ANKH: variants seen among roughly 807,000 people sequenced by gnomAD.
ANKH encodes ANKH inorganic pyrophosphate transport regulator, also known as mineralization regulator ANKH.
In ANKH, 15 loss-of-function variants were observed where a neutral mutation model predicts 49.0. The ratio of observed to expected loss-of-function variants is 0.31; its 90% CI spans 0.20 to 0.47. The LOEUF (loss-of-function observed/expected upper bound fraction) is 0.47, where lower values mean the gene tolerates loss of function less well. Ranked by LOEUF, ANKH falls within the 20% of genes least tolerant of loss-of-function variation. The probability of loss-of-function intolerance (pLI) is 1.00; values close to 1 mark genes in which losing one functional copy is unlikely to be tolerated. For missense variants in ANKH, 429 were observed against 652.0 expected, an observed-to-expected ratio of 0.66 and a Z score of 3.72; for synonymous variants, 273 against 260.0, an observed-to-expected ratio of 1.05 and a Z score of -0.48.
intron 1 of ANKH, among the ~76,000 whole-genome samples, chr5:14,860,344 G>A (rs921156729): frequency 3.3e-5 from 5 of 152,154 alleles, no homozygotes; most frequent in Non-Finnish European, 5.9e-5. Flanking sequence ...CTAGAATCAC[G>A]AAGAGCTGAA....
At chr5:14,851,564 T>C (rs1742123326) in intron 1 of ANKH, among the ~76,000 whole-genome samples, 1 of 152,226 alleles carries the variant, frequency 6.6e-6, no homozygotes, top group African/African-American at 2.4e-5. Flanking sequence ...AAAGGCAATG[T>C]TCATTTTGTT....
At chr5:14,779,435 G>A (rs576736242) in intron 1 of ANKH, among the ~76,000 whole-genome samples, 32 of 152,200 alleles carry the variant, frequency 2.1e-4, no homozygotes, top group Admixed American at 5.2e-4. Flanking sequence ...GTGCAGATCC[G>A]AGACTCTGTT....
intron 1 of ANKH, among the ~76,000 whole-genome samples, chr5:14,806,185 G>A (rs78489917): frequency 0.012 from 1,752 of 152,234 alleles, 34 homozygotes; most frequent in African/African-American, 0.04. Flanking sequence ...TTCAATAGCT[G>A]TTGAATAAAG....
In ANKH at chr5:14,845,843, C is replaced by CTTTT. The variant is rs59264153; in HGVS notation, c.96+25505_96+25508dup. On this transcript the variant is annotated intron_variant, in intron 1 of 11. Coordinates refer to ENST00000284268, the MANE Select transcript of ANKH (RefSeq NM_054027.6). Reference sequence around the variant, plus strand: ...TGGTCAGAGAAAATCCCTATGCACACTTTTTTTTTTTTTTTTTTTTTTTTT... The same window carrying CTTTT: ...TGGTCAGAGAAAATCCCTATGCACACTTTTTTTTTTTTTTTTTTTTTTTTTTTTT... Among the ~76,000 whole-genome samples, 40 of 82,556 alleles carry CTTTT rather than the reference C, an allele frequency of 4.8e-4. 3 individuals carry two copies. The highest frequency in any genetic ancestry group is 7.1e-4 in the African/African-American group (14 of 19,642). 54.2% of individuals were successfully genotyped at this position (82,556 alleles called of 152,430 possible). A position where few individuals can be genotyped will look rare whatever the true frequency, so the allele number is the denominator to read the frequency against.
In ANKH at chr5:14,710,987, G is replaced by GCAA; in HGVS notation, c.*207_*209dup. 1 of 573,154 alleles carries GCAA rather than the reference G, an allele frequency of 1.7e-6. No homozygotes were observed. The highest frequency in any genetic ancestry group is 3.1e-6 in the Non-Finnish European group (1 of 318,360). The allele number at this position is 573,154 out of a possible 1,614,324, so 35.5% of individuals were successfully genotyped here. A position where few individuals can be genotyped will look rare whatever the true frequency, so the allele number is the denominator to read the frequency against. ...CAGTTGTTTCGTTTGTTTTTACATAGCAACAGTAAAGACCATTCACTAGGT... is the reference window on the plus strand; with the variant it reads ...CAGTTGTTTCGTTTGTTTTTACATAGCAACAACAGTAAAGACCATTCACTAGGT... On this transcript the variant is annotated 3_prime_UTR_variant, in exon 12 of 12. Transcript: ENST00000284268.
At chr5:14,808,543 T>A (rs945157157) in intron 1 of ANKH, among the ~76,000 whole-genome samples, 3 of 152,194 alleles carry the variant, frequency 2.0e-5, no homozygotes, top group Admixed American at 6.5e-5. Flanking sequence ...GGCAGGTGGA[T>A]CACTTGAGCC....
chr5:14,803,914 A>G (rs926401897), intron 1 of ANKH, among the ~76,000 whole-genome samples: 1 of 151,942 alleles, frequency 6.6e-6, no homozygotes, highest in African/African-American at 2.4e-5. Flanking sequence ...TTGTTTTTTT[A>G]GACAGAGTTT....
At chr5:14,747,205 G>C (rs1738567563) in intron 6 of ANKH, among the ~76,000 whole-genome samples, 1 of 152,194 alleles carries the variant, frequency 6.6e-6, no homozygotes, top group Non-Finnish European at 1.5e-5. Flanking sequence ...AATTTGGTCA[G>C]TATGGCCCAA....
chr5:14,712,886 G>A lies in ANKH; in HGVS notation c.1353C>T (p.Val451=), dbSNP rs764964497. 1 of 1,611,000 alleles carries A rather than the reference G, an allele frequency of 6.2e-7. No individual in the cohort carries two copies. ...GCGGCTGTCTCACCTGCTTCCGGTA[G>A]ACATAGCACGCAGCGATGGCGACCA... is the stretch of plus-strand genomic sequence containing the variant. The part of the protein sequence containing the change: ...STMVAIAACY[V]YRKQKKKMEN... Residue 451 remains valine, a synonymous_variant, in exon 11 of 12, where the codon GTC becomes GTT. Coordinates refer to ENST00000284268, the MANE Select transcript of ANKH (RefSeq NM_054027.6).
intron 3 of ANKH, among the ~76,000 whole-genome samples, chr5:14,757,785 A>G (rs1404889998): frequency 6.6e-6 from 1 of 152,236 alleles, no homozygotes; most frequent in East Asian, 1.9e-4. Flanking sequence ...AAATAAATTG[A>G]CAAGATGGAC....
chr5:14,852,623 G>A (rs1197960952), intron 1 of ANKH, among the ~76,000 whole-genome samples: 1 of 152,146 alleles, frequency 6.6e-6, no homozygotes, highest in Non-Finnish European at 1.5e-5. Context: ...GTCACCTGGA[G>A]TGTAAATTAG....
intron 8 of ANKH, among the ~76,000 whole-genome samples, chr5:14,720,995 C>T (rs1016037787): frequency 2.0e-5 from 3 of 152,188 alleles, no homozygotes; most frequent in South Asian, 2.1e-4. Flanking sequence ...CACCCAGAGG[C>T]GTTTTCCCAT....
intron 1 of ANKH, among the ~76,000 whole-genome samples, chr5:14,792,207 G>C (rs2126545551): frequency 6.6e-6 from 1 of 152,288 alleles, no homozygotes; most frequent in South Asian, 2.1e-4. Context: ...GGTGTCTAGA[G>C]TCGAGTCCCA....
intron 1 of ANKH, among the ~76,000 whole-genome samples, chr5:14,809,335 T>TAAAAAAAAAAAAAAAAAAAAAAAAAAA (rs36119317): frequency 1.2e-5 from 1 of 80,856 alleles, no homozygotes; most frequent in Non-Finnish European, 2.4e-5. Flanking sequence ...TAGAGTATAA[T>TAAAAAAAAAAAAAAAAAAAAAAAAAAA]AAAAAAAAAA....
At position 14,796,467 on chromosome 5, in the gene ANKH, A is replaced by T. The variant is rs1292975147; in HGVS notation, c.97-27276T>A. On this transcript the variant is annotated intron_variant, in intron 1 of 11. Coordinates refer to ENST00000284268, the MANE Select transcript of ANKH (RefSeq NM_054027.6). ...CGGTCCCAAGTTAAAAAAAAAAAAC[A>T]CACACCAACAAAAAAAAAAAAAACA... is the stretch of plus-strand genomic sequence containing the variant. 4.2e-5 allele frequency among the ~76,000 whole-genome samples: 5 copies of T among 117,762 alleles called. No individual in the cohort carries two copies. The East Asian group carries it at 1.2e-3, about 28-fold the overall frequency. 77.3% of individuals were successfully genotyped at this position (117,762 alleles called of 152,430 possible). A position where few individuals can be genotyped will look rare whatever the true frequency, so the allele number is the denominator to read the frequency against.
At position 14,745,084 on chromosome 5, in the gene ANKH, C is replaced by T. The variant is rs1406349358; in HGVS notation, c.915+786G>A. Reference sequence around the variant, plus strand: ...GACAGTGTGATGCTGGCAGTGGCTGCTAGTTCTGCAGACATTCAAGGCACA... The same window carrying T: ...GACAGTGTGATGCTGGCAGTGGCTGTTAGTTCTGCAGACATTCAAGGCACA... On this transcript the variant is annotated intron_variant, in intron 7 of 11. Coordinates refer to ENST00000284268, the MANE Select transcript of ANKH (RefSeq NM_054027.6). This position sits in a 1 kb window ranked among gnomAD's most constrained non-coding sequence, Gnocchi z 4.7. 6.6e-6 allele frequency among the ~76,000 whole-genome samples: 1 copy of T among 152,198 alleles called. No homozygotes were observed. The highest frequency in any genetic ancestry group is 2.4e-5 in the African/African-American group (1 of 41,426).
chr5:14,866,041 T>C (rs1735634112), intron 1 of ANKH, among the ~76,000 whole-genome samples: 2 of 152,200 alleles, frequency 1.3e-5, no homozygotes, highest in African/African-American at 4.8e-5. Context: ...ATATCTAAAG[T>C]ATCTGAAAGG....
At chr5:14,817,560 A>G (rs26304) in intron 1 of ANKH, among the ~76,000 whole-genome samples, 70,943 of 151,920 alleles carry the variant, frequency 0.47, 16,842 homozygotes, top group East Asian at 0.75. Flanking sequence ...CAATCCTCCT[A>G]CTGTATACAG....
intron 8 of ANKH, among the ~76,000 whole-genome samples, chr5:14,733,682 A>G (rs892554543): frequency 6.6e-6 from 1 of 152,224 alleles, no homozygotes; most frequent in African/African-American, 2.4e-5. Flanking sequence ...GATCATTTAC[A>G]TGGGCTTTGC....
Sources: allele counts gnomAD v4.1 joint callset (sites outside exome capture counted in the v4.1 genomes callset), GRCh38; gene constraint gnomAD v4.1.1; non-coding constraint Gnocchi (gnomAD v3.1); transcripts MANE v1.5; gene names NCBI Gene and HGNC (gene_info 2026-07-23, HGNC 2026-07-21).